KATNAL1: variants seen among roughly 807,000 people sequenced by gnomAD.
KATNAL1 encodes katanin p60 ATPase-containing subunit A-like 1.
A neutral mutation model predicts 55.2 loss-of-function variants in KATNAL1; 32 were observed. That is an observed-to-expected ratio of 0.58 (90% confidence interval 0.44 to 0.78). The LOEUF is 0.78. Ranked by LOEUF, KATNAL1 falls within the 30% of genes least tolerant of loss-of-function variation. KATNAL1 has a pLI of 0.00. For synonymous variants in KATNAL1, 193 were observed against 193.6 expected, an observed-to-expected ratio of 1.00 and a Z score of 0.02; for missense variants, 466 against 600.9, an observed-to-expected ratio of 0.78 and a Z score of 2.35.
chr13:30,298,130 C>A (rs1450522263), intron 1 of KATNAL1, among the ~76,000 whole-genome samples: 1 of 152,220 alleles, frequency 6.6e-6, no homozygotes, highest in Non-Finnish European at 1.5e-5. Flanking sequence ...TTTATATGCA[C>A]TGGGAAACCA....
At chr13:30,287,011 T>C (rs751739453) in intron 1 of KATNAL1, among the ~76,000 whole-genome samples, 16 of 152,234 alleles carry the variant, frequency 1.1e-4, no homozygotes, top group Non-Finnish European at 2.2e-4. Context: ...TACCCAATGC[T>C]TATACTCCCC....
At chr13:30,285,568 T>A (rs1230924978) in intron 1 of KATNAL1, among the ~76,000 whole-genome samples, 1 of 152,210 alleles carries the variant, frequency 6.6e-6, no homozygotes, top group East Asian at 1.9e-4. Flanking sequence ...CCTCTTTTCT[T>A]TATAAATTAC....
At chr13:30,298,579 A>C (rs1298006347) in intron 1 of KATNAL1, among the ~76,000 whole-genome samples, 7 of 152,222 alleles carry the variant, frequency 4.6e-5, no homozygotes, top group African/African-American at 1.7e-4. Flanking sequence ...AGGCCTTTTT[A>C]GCTACTGTAA....
chr13:30,283,848 T>C, intron 1 of KATNAL1, 57 bp from the exon 2 acceptor site: 1 of 1,181,956 alleles, frequency 8.5e-7, no homozygotes, highest in Non-Finnish European at 1.2e-6. Flanking sequence ...TTAAAACATT[T>C]ATTATTCTTT....
At chr13:30,230,725 T>C (rs2137395756) in intron 7 of KATNAL1, 131 bp from the exon 8 acceptor site, 1 of 655,528 alleles carries the variant, frequency 1.5e-6, no homozygotes, top group Non-Finnish European at 2.5e-6. Context: ...CATCTGGTTA[T>C]GGCAAAGGCT....
chr13:30,269,650 C>T (rs1456300878), intron 3 of KATNAL1, among the ~76,000 whole-genome samples: 5 of 150,452 alleles, frequency 3.3e-5, no homozygotes, highest in South Asian at 2.1e-4. Context: ...GGCCGCCCAT[C>T]GTCTGGGATG....
chr13:30,258,238 A>T (rs55791170), intron 3 of KATNAL1, among the ~76,000 whole-genome samples: 16,491 of 152,296 alleles, frequency 0.11, 1,147 homozygotes, highest in Non-Finnish European at 0.16. Context: ...CCCTATAGGA[A>T]TAAGAAATAT....
intron 4 of KATNAL1, among the ~76,000 whole-genome samples, chr13:30,253,521 C>CGGGCATGGTAGCG (rs1878522659): frequency 6.6e-6 from 1 of 151,854 alleles, no homozygotes; most frequent in African/African-American, 2.4e-5. Context: ...AAAAATTAGC[C>CGGGCATGGTAGCG]GGGCATGGTA....
chr13:30,208,716 T>A lies in KATNAL1; in HGVS notation c.1297A>T (p.Arg433Ter). 1.9e-6 allele frequency: 3 copies of A among 1,611,462 alleles called. No homozygotes were observed. Among genetic ancestry groups the A allele is most frequent in the Non-Finnish European group, 2.5e-6 (3 of 1,178,738 alleles). The change falls in exon 11 of 11, where the codon AGA becomes TGA. Residue 433 changes from arginine to a stop codon, truncating the protein, a stop_gained. Coordinates refer to ENST00000380615, the MANE Select transcript of KATNAL1 (RefSeq NM_032116.5). LOFTEE classifies it high-confidence loss of function. ...GGACTTAAGCCATTGATACGCCGTC[T>A]CATTGCCATTAAAGAGGCATCCCTA... Reference protein sequence around the residue: ...VCRDASLMAMRRRINGLSPEE... With the variant: ...VCRDASLMAM
At chr13:30,274,907 G>GCGCGCGCGCGCGCACACACACA (rs869107567) in intron 3 of KATNAL1, among the ~76,000 whole-genome samples, 4 of 105,390 alleles carry the variant, frequency 3.8e-5, no homozygotes, top group East Asian at 2.7e-4. Flanking sequence ...GCGCGCGCGC[G>GCGCGCGCGCGCGCACACACACA]CACACACACA....
chr13:30,280,084 G>A lies in KATNAL1; in HGVS notation c.302C>T (p.Pro101Leu), dbSNP rs763541124. ...EPFRDPAVWP[P>L]PVPAEHRAPP... Reference sequence around the variant, plus strand: ...TTACCTGTGTTCTGCAGGAACAGGGGGTGGCCAAACAGCAGGATCTCTAAA... The same window carrying A: ...TTACCTGTGTTCTGCAGGAACAGGGAGTGGCCAAACAGCAGGATCTCTAAA... The change falls in exon 3 of 11, where the codon CCC (proline) becomes CTC (leucine). Residue 101 changes from proline to leucine, a missense_variant. By Grantham distance (98) the Pro-to-Leu change is moderately conservative (BLOSUM62 -3). Coordinates refer to ENST00000380615, the MANE Select transcript of KATNAL1 (RefSeq NM_032116.5). 5 of 1,611,808 alleles carry A rather than the reference G, an allele frequency of 3.1e-6. No homozygotes were observed. Among genetic ancestry groups the A allele is most frequent in the Admixed American group, 1.7e-5 (1 of 59,468 alleles).
chr13:30,263,597 C>G (rs1216151119), intron 3 of KATNAL1, among the ~76,000 whole-genome samples: 1 of 152,098 alleles, frequency 6.6e-6, no homozygotes, highest in Non-Finnish European at 1.5e-5. Flanking sequence ...CATGAGAGAA[C>G]CAAATCATGA....
intron 9 of KATNAL1, 181 bp from the exon 10 acceptor site, chr13:30,210,623 G>A (rs1027009964): frequency 4.7e-5 from 9 of 190,314 alleles, no homozygotes; most frequent in African/African-American, 1.5e-4. Flanking sequence ...AAATTCCTAT[G>A]TGCCTCTGTT....
chr13:30,250,728 GAATAT>G (rs1486714828), intron 4 of KATNAL1, among the ~76,000 whole-genome samples: 1 of 152,116 alleles, frequency 6.6e-6, no homozygotes, highest in Non-Finnish European at 1.5e-5. Flanking sequence ...TGAATTCAGA[GAATAT>G]AATTTGCCAT....
chr13:30,249,193 T>C (rs181146542), intron 4 of KATNAL1, among the ~76,000 whole-genome samples: 16 of 151,980 alleles, frequency 1.1e-4, no homozygotes, highest in East Asian at 7.7e-4. Flanking sequence ...GATTGCACCA[T>C]TGAACTCCAA....
intron 1 of KATNAL1, among the ~76,000 whole-genome samples, chr13:30,304,558 G>T (rs169331): frequency 0.15 from 22,852 of 152,110 alleles, 2,004 homozygotes; most frequent in South Asian, 0.25. Flanking sequence ...GCGAGCCACT[G>T]CGCCCGGCCT....
At chr13:30,236,196 CTG>C (rs1876663772) in intron 6 of KATNAL1, among the ~76,000 whole-genome samples, 1 of 152,116 alleles carries the variant, frequency 6.6e-6, no homozygotes, top group African/African-American at 2.4e-5. Context: ...TCCCTAAGTT[CTG>C]TGAGTCATTC....
At chr13:30,278,666 T>C (rs1479702930) in intron 3 of KATNAL1, among the ~76,000 whole-genome samples, 3 of 152,222 alleles carry the variant, frequency 2.0e-5, no homozygotes, top group Non-Finnish European at 4.4e-5. Context: ...TATTATCAGC[T>C]CTTAGGTTTA....
chr13:30,249,843 A>T (rs1878138034), intron 4 of KATNAL1, among the ~76,000 whole-genome samples: 1 of 152,166 alleles, frequency 6.6e-6, no homozygotes, highest in Non-Finnish European at 1.5e-5. Context: ...GAGATGCTGA[A>T]GTTGTTTCTT....
Sources: allele counts gnomAD v4.1 joint callset (sites outside exome capture counted in the v4.1 genomes callset), GRCh38; gene constraint gnomAD v4.1.1; transcripts MANE v1.5; gene names NCBI Gene and HGNC (gene_info 2026-07-23, HGNC 2026-07-21).